The following DIP2C variants were observed in gnomAD, a reference collection of about 807,000 sequenced individuals.
DIP2C encodes DIP2 acetate--CoA ligase C (putative), also known as disco-interacting protein 2 homolog C.
A neutral mutation model predicts 192.4 loss-of-function variants in DIP2C; 33 were observed. That is an observed-to-expected ratio of 0.17 (90% CI 0.13 to 0.23). The LOEUF (loss-of-function observed/expected upper bound fraction) is 0.23. Ranked by LOEUF, DIP2C falls within the 10% of genes least tolerant of loss-of-function variation. The pLI is 1.00. For synonymous variants in DIP2C, 979 were observed against 864.1 expected, an observed-to-expected ratio of 1.13 and a Z score of -2.33; for missense variants, 1,537 against 2,110.1, an observed-to-expected ratio of 0.73 and a Z score of 5.32.
chr10:634,245 A>T (rs749173175), intron 1 of DIP2C, among the ~76,000 whole-genome samples: 5 of 151,562 alleles, frequency 3.3e-5, no homozygotes, highest in Non-Finnish European at 7.3e-5. Flanking sequence ...GATGGCACAC[A>T]GACAGGCCTC....
chr10:576,207 C>T (rs549111736), intron 1 of DIP2C, among the ~76,000 whole-genome samples: 1 of 152,360 alleles, frequency 6.6e-6, no homozygotes, highest in Non-Finnish European at 1.5e-5. Flanking sequence ...CAGTGGGGTT[C>T]TCCTGGGACT....
chr10:483,134 C>G (rs149418521), intron 2 of DIP2C, among the ~76,000 whole-genome samples: 3 of 152,304 alleles, frequency 2.0e-5, no homozygotes, highest in African/African-American at 7.2e-5. Flanking sequence ...GGGAACAGAA[C>G]CCCCATTGTA....
Position 419,123 on chromosome 10 carries a change from G to A in DIP2C, c.681C>T (p.Ser227=). Residue 227 remains serine (S), a synonymous_variant, in exon 6 of 37, where the codon TCC becomes TCT. Coordinates refer to ENST00000280886, the MANE Select transcript of DIP2C (RefSeq NM_014974.3). ...ACTTGGGCGCTGTCCGGGACCCCGTGGAACCCTGCGGTCTCTCCACCTGTA... is the reference window on the plus strand; with the variant it reads ...ACTTGGGCGCTGTCCGGGACCCCGTAGAACCCTGCGGTCTCTCCACCTGTA... The part of the protein sequence containing the change: ...HSIQVERPQG[S]TGSRTAPKYG... The A allele has an allele frequency of 2.5e-6, 4 of 1,614,268 alleles. No homozygotes were observed. The highest frequency in any genetic ancestry group is 1.1e-5 in the South Asian group (1 of 91,086).
chr10:372,820 G>T (rs78097712), intron 17 of DIP2C, among the ~76,000 whole-genome samples: 1 of 152,090 alleles, frequency 6.6e-6, no homozygotes, highest in Non-Finnish European at 1.5e-5. Context: ...ACAGAAGCGC[G>T]GGTACTCCTG....
At chr10:379,071 A>G (rs958791656) in intron 17 of DIP2C, among the ~76,000 whole-genome samples, 2 of 151,946 alleles carry the variant, frequency 1.3e-5, no homozygotes, top group East Asian at 3.9e-4. Flanking sequence ...AAGCTCTGGC[A>G]GTGACCTGCC....
intron 1 of DIP2C, among the ~76,000 whole-genome samples, chr10:600,789 G>T (rs1366243570): frequency 6.6e-6 from 1 of 152,224 alleles, no homozygotes; most frequent in African/African-American, 2.4e-5. Flanking sequence ...GACAAACACT[G>T]ATTGGCACCA....
chr10:536,495 C>G (rs546965310), intron 1 of DIP2C, among the ~76,000 whole-genome samples: 118 of 152,336 alleles, frequency 7.7e-4, no homozygotes, highest in Non-Finnish European at 1.5e-3. Flanking sequence ...AGGGACATCA[C>G]AGTCCCAGGG....
chr10:671,244 G>A (rs1376165059), intron 1 of DIP2C, among the ~76,000 whole-genome samples: 2 of 152,278 alleles, frequency 1.3e-5, no homozygotes, highest in Non-Finnish European at 2.9e-5. Context: ...AGAAGCGACG[G>A]CCTCCAGCGT....
intron 24 of DIP2C, among the ~76,000 whole-genome samples, chr10:354,105 T>C (rs539981872): frequency 6.6e-6 from 1 of 152,258 alleles, no homozygotes; most frequent in African/African-American, 2.4e-5. Flanking sequence ...AGCTCAAGCG[T>C]GCCTGCCTCT....
intron 1 of DIP2C, among the ~76,000 whole-genome samples, chr10:641,283 C>T (rs1177404914): frequency 3.3e-5 from 5 of 152,162 alleles, no homozygotes; most frequent in African/African-American, 7.2e-5. Context: ...GGGGCCAGCA[C>T]GGACGCCAGC....
chr10:408,606 A>G (rs558487100), intron 9 of DIP2C, among the ~76,000 whole-genome samples: 12 of 152,296 alleles, frequency 7.9e-5, no homozygotes, highest in Admixed American at 6.5e-4. Context: ...GGATAACCTA[A>G]TCTTGGGGGC....
At chr10:399,280 CG>C (rs1044890339) in intron 9 of DIP2C, 61 bp from the exon 10 acceptor site, 1 of 1,390,002 alleles carries the variant, frequency 7.2e-7, no homozygotes, top group African/African-American at 1.4e-5. Context: ...TAAGACGCCA[CG>C]GAAGAGCTTG....
At chr10:623,214 G>A (rs550651203) in intron 1 of DIP2C, among the ~76,000 whole-genome samples, 9 of 151,368 alleles carry the variant, frequency 5.9e-5, no homozygotes, top group African/African-American at 1.5e-4. Context: ...GATGTGTGCC[G>A]AGGGGATGCT....
intron 32 of DIP2C, among the ~76,000 whole-genome samples, chr10:288,719 G>T (rs775571425): frequency 6.6e-6 from 1 of 151,478 alleles, no homozygotes; most frequent in East Asian, 1.9e-4. Flanking sequence ...AAAAGGAAAA[G>T]AACACGGATT....
rs750576476 is a variant in DIP2C, at chr10:277,331, G to A, written c.4665C>T (p.Asn1555=). The stretch of plus-strand genomic sequence containing the variant: ...TGGAAGCCAAGAGACGAGACTACAT[G>A]TTGTAGGCCACATAGATGGGGTCTA... ...DQLDPIYVAY[N]M The change falls in exon 37 of 37, where the codon AAC becomes AAT. Residue 1555 remains asparagine, a synonymous_variant. Transcript: ENST00000280886. 77 of 1,613,886 alleles carry A rather than the reference G, an allele frequency of 4.8e-5. 3 individuals carry two copies. The South Asian group carries it at 5.7e-4, about 12-fold the overall frequency.
intron 22 of DIP2C, among the ~76,000 whole-genome samples, chr10:359,641 C>A (rs1959214674): frequency 6.6e-6 from 1 of 152,154 alleles, no homozygotes; most frequent in Non-Finnish European, 1.5e-5. Context: ...GGGAGCTGCC[C>A]CGTGGTGGGA....
At chr10:531,008 C>T (rs1454296263) in intron 1 of DIP2C, among the ~76,000 whole-genome samples, 5 of 152,186 alleles carry the variant, frequency 3.3e-5, no homozygotes, top group East Asian at 1.9e-4. Flanking sequence ...GACAGAAGGG[C>T]GTCGTGAGCA....
chr10:512,327 G>A (rs1846069453), intron 1 of DIP2C, among the ~76,000 whole-genome samples: 1 of 152,184 alleles, frequency 6.6e-6, no homozygotes, highest in Non-Finnish European at 1.5e-5. Flanking sequence ...GGGAGGCTGA[G>A]GCAGGCAGAT....
intron 1 of DIP2C, among the ~76,000 whole-genome samples, chr10:568,783 A>AAC (rs1564208263): frequency 1.4e-5 from 2 of 146,840 alleles, no homozygotes; most frequent in East Asian, 3.9e-4. Flanking sequence ...AAAAAAAAAA[A>AAC]AAAAAAAAAA....
Sources: allele counts gnomAD v4.1 joint callset (sites outside exome capture counted in the v4.1 genomes callset), GRCh38; gene constraint gnomAD v4.1.1; transcripts MANE v1.5; gene names NCBI Gene and HGNC (gene_info 2026-07-23, HGNC 2026-07-21).